The following ADAMTSL1 variants were observed in gnomAD, a reference collection of about 807,000 sequenced individuals.
ADAMTSL1 encodes the protein ADAMTS like 1.
A neutral mutation model predicts 201.8 loss-of-function variants in ADAMTSL1; 126 were observed. The ratio of observed to expected loss-of-function variants is 0.62; its 90% CI spans 0.54 to 0.72. The LOEUF is 0.72. ADAMTSL1 is among the 30% of genes least tolerant of loss of function. The pLI is 0.00. For missense variants in ADAMTSL1, 2,679 were observed against 2,277.8 expected, an observed-to-expected ratio of 1.18 and a Z score of -3.59; for synonymous variants, 1,121 against 903.4, an observed-to-expected ratio of 1.24 and a Z score of -4.32.
Position 18,785,096 on chromosome 9 carries a change from G to A in ADAMTSL1, c.3677+7190G>A, listed in dbSNP as rs138803172. Among the ~76,000 whole-genome samples, 5 of 152,254 alleles carry A rather than the reference G, an allele frequency of 3.3e-5. No homozygotes were observed. The East Asian group carries it at 9.7e-4, about 29-fold the overall frequency. ...GGAGAATCGCTTGAACGCAGGAGGT[G>A]GAGGTTGCAGTGAGCTGGTATCGTG... On this transcript the variant is annotated intron_variant, in intron 19 of 28. Coordinates refer to ENST00000380548, the MANE Select transcript of ADAMTSL1 (RefSeq NM_001040272.6).
chr9:18,327,755 C>G (rs955494972), intron 2 of ADAMTSL1, among the ~76,000 whole-genome samples: 7 of 152,166 alleles, frequency 4.6e-5, no homozygotes, highest in Non-Finnish European at 8.8e-5. Context: ...TGACTGAAAG[C>G]TTAAAGAGTT....
intron 13 of ADAMTSL1, among the ~76,000 whole-genome samples, chr9:18,704,403 G>A (rs915168833): frequency 5.3e-5 from 8 of 152,178 alleles, no homozygotes; most frequent in African/African-American, 1.9e-4. Context: ...AAAGCTGGTA[G>A]GGTGCAGTTC....
At chr9:17,958,768 G>T (rs764560580) in intron 1 of ADAMTSL1, among the ~76,000 whole-genome samples, 20 of 152,086 alleles carry the variant, frequency 1.3e-4, no homozygotes, top group Non-Finnish European at 2.6e-4. Flanking sequence ...TTACATTGAG[G>T]ACCATGTGAG....
chr9:18,739,906 T>C lies in ADAMTSL1; in HGVS notation c.2007-13392T>C, dbSNP rs866884241. ...TGTGTACATGTCTACTATCTGTGTG[T>C]GTGTGTGTGTGTGTGTGTGTGTGTG... On this transcript the variant is annotated intron_variant, in intron 15 of 28. Transcript: ENST00000380548. 1.8e-3 allele frequency among the ~76,000 whole-genome samples: 276 copies of C among 151,180 alleles called. 3 individuals carry two copies. The highest frequency in any genetic ancestry group is 4.4e-3 in the Admixed American group (67 of 15,156).
At chr9:18,614,122 A>G (rs1825557910) in intron 4 of ADAMTSL1, among the ~76,000 whole-genome samples, 1 of 152,160 alleles carries the variant, frequency 6.6e-6, no homozygotes, top group Non-Finnish European at 1.5e-5. Flanking sequence ...AGCCAGAGGA[A>G]GTGAGGTCAG....
Position 18,504,962 on chromosome 9 carries a change from T to C in ADAMTSL1, c.191+6T>C, listed in dbSNP as rs1487716181. 3.7e-6 allele frequency: 6 copies of C among 1,604,034 alleles called. No individual in the cohort carries two copies. Among genetic ancestry groups the C allele is most frequent in the Non-Finnish European group, 5.1e-6 (6 of 1,178,308 alleles). On this transcript the variant is annotated splice_donor_region_variant and intron_variant, in intron 2 of 28. Transcript: ENST00000380548. ...AGGCGCTGCCTGAGCAGCAAGTAAG[T>C]CCTGCACCCGTTGGGGGTCTTTGTG...
At chr9:18,742,345 T>G (rs1354655267) in intron 15 of ADAMTSL1, among the ~76,000 whole-genome samples, 1 of 152,180 alleles carries the variant, frequency 6.6e-6, no homozygotes, top group African/African-American at 2.4e-5. Flanking sequence ...GAATGTCAAA[T>G]TATTTCCTTA....
At chr9:18,031,740 G>C (rs1244836830) in intron 1 of ADAMTSL1, among the ~76,000 whole-genome samples, 1 of 152,102 alleles carries the variant, frequency 6.6e-6, no homozygotes, top group Non-Finnish European at 1.5e-5. Context: ...ACCTTGTTGG[G>C]CTGCATTCTC....
rs369153514 is a variant in ADAMTSL1, at chr9:18,868,098, T to G, written c.4250-19733T>G. ...ATTTCACAGATCTTTTTCTATAATG[T>G]TTCATCTGCTATTGATCCTATCCAG... is the stretch of plus-strand genomic sequence containing the variant. On this transcript the variant is annotated intron_variant, in intron 23 of 28. Coordinates refer to ENST00000380548, the MANE Select transcript of ADAMTSL1 (RefSeq NM_001040272.6). Among the ~76,000 whole-genome samples the G allele has an allele frequency of 7.9e-5, 12 of 152,364 alleles. 1 individual carries two copies. The highest frequency in any genetic ancestry group is 7.2e-4 in the Admixed American group (11 of 15,306).
At chr9:18,040,580 C>T (rs1026018891) in intron 1 of ADAMTSL1, among the ~76,000 whole-genome samples, 1 of 152,094 alleles carries the variant, frequency 6.6e-6, no homozygotes, top group Non-Finnish European at 1.5e-5. Flanking sequence ...GCATGTAGAC[C>T]TTGATGTGAA....
chr9:17,962,538 C>T (rs1443851777), intron 1 of ADAMTSL1, among the ~76,000 whole-genome samples: 2 of 152,158 alleles, frequency 1.3e-5, no homozygotes, highest in East Asian at 3.9e-4. Flanking sequence ...GAAAACTTCT[C>T]ATTGAGAATG....
chr9:18,068,045 GTAA>G (rs984442250), intron 1 of ADAMTSL1, among the ~76,000 whole-genome samples: 1 of 152,106 alleles, frequency 6.6e-6, no homozygotes, highest in African/African-American at 2.4e-5. Context: ...GAAGTTGTTA[GTAA>G]TAATAATAGC....
intron 1 of ADAMTSL1, among the ~76,000 whole-genome samples, chr9:17,967,877 TG>T (rs1402665439): frequency 6.6e-6 from 1 of 152,150 alleles, no homozygotes; most frequent in African/African-American, 2.4e-5. Flanking sequence ...TTATTCACAC[TG>T]GGATCATGAA....
chr9:18,411,514 C>T (rs2133314963), intron 2 of ADAMTSL1, among the ~76,000 whole-genome samples: 1 of 152,170 alleles, frequency 6.6e-6, no homozygotes, highest in East Asian at 1.9e-4. Context: ...GGTAGATTTT[C>T]TATGTGAAAC....
At chr9:18,473,101 A>T (rs988681209), upstream of ADAMTSL1, among the ~76,000 whole-genome samples, 2 of 152,160 alleles carry the variant, frequency 1.3e-5, no homozygotes, top group African/African-American at 4.8e-5. Flanking sequence ...AGGTCATCCC[A>T]TCCAACCCTC....
At chr9:18,814,244 A>C (rs747445794) in intron 20 of ADAMTSL1, among the ~76,000 whole-genome samples, 1 of 152,196 alleles carries the variant, frequency 6.6e-6, no homozygotes, top group Non-Finnish European at 1.5e-5. Context: ...AAACTTCTTC[A>C]TGGTGAACAA....
chr9:18,059,113 G>A (rs910980025), intron 1 of ADAMTSL1, among the ~76,000 whole-genome samples: 1 of 152,060 alleles, frequency 6.6e-6, no homozygotes, highest in Non-Finnish European at 1.5e-5. Context: ...AATATCCCCA[G>A]TTTTCCATCA....
intron 1 of ADAMTSL1, among the ~76,000 whole-genome samples, chr9:18,109,639 T>G (rs182705932): frequency 6.6e-6 from 1 of 152,222 alleles, no homozygotes; most frequent in Admixed American, 6.6e-5. Flanking sequence ...ACAAACAGAT[T>G]CATGGTAATA....
Position 18,099,347 on chromosome 9 carries a change from ATATATATAT to A in ADAMTSL1, c.88-64513_88-64505del, listed in dbSNP as rs1249658009. Among the ~76,000 whole-genome samples, 20 of 47,332 alleles carry A rather than the reference ATATATATAT, an allele frequency of 4.2e-4. 1 individual carries two copies. Among genetic ancestry groups the A allele is most frequent in the East Asian group, 1.0e-3 (3 of 2,938 alleles). The allele number at this position is 47,332 out of a possible 152,430, so 31.1% of individuals were successfully genotyped here. A position where few individuals can be genotyped will look rare whatever the true frequency, so the allele number is the denominator to read the frequency against. On this transcript the variant is annotated intron_variant, in intron 1 of 29. Coordinates refer to the ADAMTSL1 transcript ENST00000680146. ...GGAAAATATATATATATATATATAT[ATATATATAT>A]TTTTTTTTTTTTTTTTAACATCCAT... is the stretch of plus-strand genomic sequence containing the variant.
Sources: allele counts gnomAD v4.1 joint callset (sites outside exome capture counted in the v4.1 genomes callset), GRCh38; gene constraint gnomAD v4.1.1; transcripts MANE v1.5; gene names NCBI Gene and HGNC (gene_info 2026-07-23, HGNC 2026-07-21).